The following PLA2G5 variants were observed in gnomAD, a reference collection of about 807,000 sequenced individuals.
PLA2G5 encodes phospholipase A2 group V.
A neutral mutation model predicts 15.9 loss-of-function variants in PLA2G5; 12 were observed. The ratio of observed to expected loss-of-function variants is 0.76; its 90% confidence interval spans 0.48 to 1.23. The LOEUF is 1.23. PLA2G5 is among the 50% of genes most tolerant of loss of function. The pLI, the probability that PLA2G5 is intolerant of heterozygous loss-of-function variation, is 0.00. For missense variants in PLA2G5, 169 were observed against 177.1 expected (o/e 0.95, Z 0.26); for synonymous variants, 71 against 71.4 (o/e 0.99, Z 0.03).
At chr1:20,031,130 A>T (rs1037527620) in intron 1 of PLA2G5, among the ~76,000 whole-genome samples, 4 of 152,132 alleles carry the variant, frequency 2.6e-5, no homozygotes, top group Admixed American at 6.5e-5. Flanking sequence ...TGTAATTAAT[A>T]GCCATTGTGG....
chr1:20,086,264 G>A (rs2016286890), intron 3 of PLA2G5, 37 bp downstream of exon 3: 7 of 1,602,450 alleles, frequency 4.4e-6, no homozygotes, highest in Non-Finnish European at 6.0e-6. Context: ...TAGGCTCCAG[G>A]CTCTGCACCC....
intron 1 of PLA2G5, among the ~76,000 whole-genome samples, chr1:20,072,276 C>T (rs1327591733): frequency 6.6e-6 from 1 of 152,216 alleles, no homozygotes; most frequent in African/African-American, 2.4e-5. Context: ...TTTCTGGCTT[C>T]TCCCTCCAGA....
At chr1:20,034,103 T>C (rs1174797825) in intron 1 of PLA2G5, among the ~76,000 whole-genome samples, 1 of 152,064 alleles carries the variant, frequency 6.6e-6, no homozygotes, top group Non-Finnish European at 1.5e-5. Context: ...TCCTCAACTA[T>C]AGAGGAATTT....
chr1:20,037,257 G>A (rs2013309095), intron 1 of PLA2G5, among the ~76,000 whole-genome samples: 2 of 152,178 alleles, frequency 1.3e-5, no homozygotes, highest in African/African-American at 4.8e-5. Context: ...ATCCCTTGAT[G>A]TGGTGCTCTC....
Position 20,048,247 on chromosome 1 carries a change from A to G in PLA2G5, n.277-11385A>G, listed in dbSNP as rs1049141127. ...ATAACTTAAGTAAAATCTTTAATAA[A>G]TAAGATAGCCTTAAAATTGTTGGTA... On this transcript the variant is annotated intron_variant and non_coding_transcript_variant, in intron 1 of 6. Coordinates refer to the PLA2G5 transcript ENST00000460175. Among the ~76,000 whole-genome samples the G allele has an allele frequency of 2.0e-5, 3 of 152,324 alleles. No homozygotes were observed. In the East Asian group the frequency reaches 5.8e-4, roughly 29 times the overall value.
chr1:20,049,901 T>C (rs1183874122), intron 1 of PLA2G5, among the ~76,000 whole-genome samples: 1 of 152,206 alleles, frequency 6.6e-6, no homozygotes, highest in Non-Finnish European at 1.5e-5. Context: ...CTTCAACTTA[T>C]TTTCAGCTCA....
At chr1:20,035,085 A>T (rs987828008) in intron 1 of PLA2G5, among the ~76,000 whole-genome samples, 1 of 152,120 alleles carries the variant, frequency 6.6e-6, no homozygotes, top group Non-Finnish European at 1.5e-5. Context: ...CCCAATCCCC[A>T]TTCCAGGTTT....
At chr1:20,036,384 G>A (rs2013249822) in intron 1 of PLA2G5, among the ~76,000 whole-genome samples, 1 of 151,962 alleles carries the variant, frequency 6.6e-6, no homozygotes, top group South Asian at 2.1e-4. Flanking sequence ...TCATTCTTAG[G>A]TTTGGTCATT....
intron 1 of PLA2G5, among the ~76,000 whole-genome samples, chr1:20,081,193 T>C (rs1288382921): frequency 1.3e-5 from 2 of 151,534 alleles, no homozygotes; most frequent in Non-Finnish European, 2.9e-5. Flanking sequence ...GCTATGCGCT[T>C]CCTCTCTGTG....
intron 1 of PLA2G5, among the ~76,000 whole-genome samples, chr1:20,076,098 C>G (rs924988357): frequency 6.6e-6 from 1 of 152,090 alleles, no homozygotes. Flanking sequence ...GTCTCGAACT[C>G]CTGACCTCAA....
chr1:20,042,719 A>T (rs1157211665), intron 1 of PLA2G5, among the ~76,000 whole-genome samples: 1 of 152,126 alleles, frequency 6.6e-6, no homozygotes, highest in South Asian at 2.1e-4. Flanking sequence ...CATGCCTAGG[A>T]AGGAAAGCAG....
At chr1:20,065,641 T>C (rs950396858), upstream of PLA2G5, among the ~76,000 whole-genome samples, 7 of 152,240 alleles carry the variant, frequency 4.6e-5, no homozygotes, top group Admixed American at 3.3e-4. Context: ...TAGCATCCCA[T>C]TGTATGGCTG....
At chr1:20,085,360 C>T (rs1184092379) in intron 2 of PLA2G5, among the ~76,000 whole-genome samples, 3 of 152,098 alleles carry the variant, frequency 2.0e-5, no homozygotes, top group South Asian at 2.1e-4. Context: ...ATACAACCCC[C>T]GACAGGCTGT....
intron 1 of PLA2G5, among the ~76,000 whole-genome samples, chr1:20,034,806 T>C (rs372850183): frequency 6.6e-6 from 1 of 152,046 alleles, no homozygotes; most frequent in African/African-American, 2.4e-5. Context: ...TCTGAGTGCA[T>C]CCCCTAAGAA....
At chr1:20,045,014 C>T (rs1029809539) in intron 1 of PLA2G5, among the ~76,000 whole-genome samples, 3 of 151,978 alleles carry the variant, frequency 2.0e-5, no homozygotes, top group African/African-American at 7.3e-5. Context: ...ACCATGTGCC[C>T]ATTTTACGAC....
chr1:20,039,149 C>T (rs2013447082), intron 1 of PLA2G5, among the ~76,000 whole-genome samples: 1 of 152,186 alleles, frequency 6.6e-6, no homozygotes, highest in Non-Finnish European at 1.5e-5. Flanking sequence ...GTGACTGAGG[C>T]ATTCCCCAGC....
chr1:20,047,460 G>T (rs908232397), intron 1 of PLA2G5, among the ~76,000 whole-genome samples: 3 of 152,192 alleles, frequency 2.0e-5, no homozygotes, highest in African/African-American at 7.2e-5. Context: ...CTACTTGCCA[G>T]AGTTTATGTA....
chr1:20,034,982 A>G (rs1355020160), intron 1 of PLA2G5, among the ~76,000 whole-genome samples: 3 of 152,130 alleles, frequency 2.0e-5, no homozygotes, highest in African/African-American at 7.2e-5. Flanking sequence ...GGCTGGGAAC[A>G]GGGAGTCCAC....
chr1:20,067,945 C>A (rs998148676), upstream of PLA2G5, among the ~76,000 whole-genome samples: 6 of 152,052 alleles, frequency 3.9e-5, no homozygotes, highest in African/African-American at 1.4e-4. Flanking sequence ...ATGGTGGAAC[C>A]TCATCTCTAC....
Sources: gnomAD v4.1 joint callset for allele counts (sites outside exome capture counted in the v4.1 genomes callset) on GRCh38, gnomAD v4.1.1 for gene constraint, MANE v1.5 for transcripts, NCBI Gene and HGNC (gene_info 2026-07-23, HGNC 2026-07-21) for gene names.